The following ZFAND3 variants were observed in gnomAD, a reference collection of about 807,000 sequenced individuals.
The protein encoded by ZFAND3 is zinc finger AN1-type containing 3.
In ZFAND3, 10 loss-of-function variants were observed where a neutral mutation model predicts 29.6. The observed-to-expected ratio is 0.34, with a 90% CI of 0.21 to 0.57. ZFAND3 has a LOEUF of 0.57. ZFAND3 is among the 20% of genes least tolerant of loss of function. ZFAND3 has a pLI of 0.86. For missense variants in ZFAND3, 230 were observed against 304.5 expected, an observed-to-expected ratio of 0.76 and a Z score of 1.82; for synonymous variants, 128 against 112.6, an observed-to-expected ratio of 1.14 and a Z score of -0.87.
At chr6:38,081,793 C>T (rs1210731258) in intron 3 of ZFAND3, among the ~76,000 whole-genome samples, 1 of 151,800 alleles carries the variant, frequency 6.6e-6, no homozygotes, top group Non-Finnish European at 1.5e-5. Flanking sequence ...ATCTCTGGGC[C>T]CACCAAGATT....
At chr6:38,137,408 T>C (rs1215792283) in intron 5 of ZFAND3, among the ~76,000 whole-genome samples, 1 of 152,210 alleles carries the variant, frequency 6.6e-6, no homozygotes, top group East Asian at 1.9e-4. Flanking sequence ...TTGCTAGAAG[T>C]AATATTTTTC....
intron 3 of ZFAND3, among the ~76,000 whole-genome samples, chr6:38,077,671 T>C (rs1366009426): frequency 6.6e-6 from 1 of 152,222 alleles, no homozygotes; most frequent in African/African-American, 2.4e-5. Context: ...TGAGGGCTAG[T>C]GGAACCAGAA....
intron 2 of ZFAND3, among the ~76,000 whole-genome samples, chr6:37,942,307 T>A (rs1278178408): frequency 6.6e-6 from 1 of 151,992 alleles, no homozygotes; most frequent in Non-Finnish European, 1.5e-5. Context: ...AAAGTTTACC[T>A]CCATAAAATG....
At chr6:38,094,022 C>G (rs913517624) in intron 4 of ZFAND3, among the ~76,000 whole-genome samples, 2 of 152,072 alleles carry the variant, frequency 1.3e-5, no homozygotes, top group African/African-American at 4.8e-5. Flanking sequence ...TTATTTCTAT[C>G]TAAGAGTGTA....
At chr6:37,860,816 T>C (rs1047921743) in intron 1 of ZFAND3, among the ~76,000 whole-genome samples, 1 of 152,112 alleles carries the variant, frequency 6.6e-6, no homozygotes, top group Non-Finnish European at 1.5e-5. Flanking sequence ...ATTTATGGGA[T>C]GTGGCTTAGT....
At position 38,075,727 on chromosome 6, in the gene ZFAND3, A is replaced by G. The variant is rs116582808; in HGVS notation, c.296-6665A>G. Among the ~76,000 whole-genome samples the G allele has an allele frequency of 7.5e-3, 1,133 of 150,896 alleles. 12 individuals carry two copies. Among genetic ancestry groups the G allele is most frequent in the African/African-American group, 0.026 (1,078 of 41,048 alleles). On this transcript the variant is annotated intron_variant, in intron 3 of 5. Transcript: ENST00000287218. ...CTACAGAGAAATCTTTTGTGAAAGGAAGAGTCAGTTGATCTGGCAGAGTTG... is the reference window on the plus strand; with the variant it reads ...CTACAGAGAAATCTTTTGTGAAAGGGAGAGTCAGTTGATCTGGCAGAGTTG...
chr6:37,832,322 G>C (rs1045447694), intron 1 of ZFAND3, among the ~76,000 whole-genome samples: 1 of 152,156 alleles, frequency 6.6e-6, no homozygotes, highest in African/African-American at 2.4e-5. Context: ...ATGGACTGCA[G>C]GATGGAAGAT....
At chr6:38,074,747 C>A (rs185439477) in intron 3 of ZFAND3, among the ~76,000 whole-genome samples, 1 of 152,200 alleles carries the variant, frequency 6.6e-6, no homozygotes, top group African/African-American at 2.4e-5. Flanking sequence ...CCAGGACTTA[C>A]AGGAGGAAAA....
chr6:37,894,962 A>G (rs1391931823), intron 1 of ZFAND3, among the ~76,000 whole-genome samples: 2 of 152,058 alleles, frequency 1.3e-5, no homozygotes, highest in Non-Finnish European at 2.9e-5. Context: ...AAGCAGCTTT[A>G]TTATGTGATG....
chr6:38,129,317 T>G (rs1765698928), intron 5 of ZFAND3, among the ~76,000 whole-genome samples: 1 of 152,246 alleles, frequency 6.6e-6, no homozygotes, highest in South Asian at 2.1e-4. Flanking sequence ...GTGCAAAAGC[T>G]CTTTAGTTTA....
chr6:37,967,919 G>T (rs1379922082), intron 2 of ZFAND3, among the ~76,000 whole-genome samples: 1 of 152,072 alleles, frequency 6.6e-6, no homozygotes, highest in Non-Finnish European at 1.5e-5. Context: ...TTTACTTGAT[G>T]ATTTTATTTT....
At chr6:38,113,032 C>G (rs1041398023) in intron 4 of ZFAND3, among the ~76,000 whole-genome samples, 1 of 151,990 alleles carries the variant, frequency 6.6e-6, no homozygotes, top group Admixed American at 6.6e-5. Flanking sequence ...GCTTATTTAC[C>G]CTCGCTCTTG....
At chr6:37,847,374 G>A (rs1388379041) in intron 1 of ZFAND3, among the ~76,000 whole-genome samples, 1 of 152,072 alleles carries the variant, frequency 6.6e-6, no homozygotes, top group African/African-American at 2.4e-5. Flanking sequence ...AGGAGATCGA[G>A]ACCATCCTGG....
At chr6:38,037,551 T>A (rs960711385) in intron 2 of ZFAND3, among the ~76,000 whole-genome samples, 2 of 152,206 alleles carry the variant, frequency 1.3e-5, no homozygotes, top group Non-Finnish European at 2.9e-5. Context: ...AAGCATTTAA[T>A]TGATTGAAAA....
chr6:38,147,985 G>A (rs1766144698), intron 5 of ZFAND3, among the ~76,000 whole-genome samples: 1 of 151,988 alleles, frequency 6.6e-6, no homozygotes, highest in African/African-American at 2.4e-5. Flanking sequence ...GTCTATTTTT[G>A]TTTTTGTTGC....
At position 38,089,581 on chromosome 6, in the gene ZFAND3, T is replaced by A. The variant is rs529007675; in HGVS notation, c.361+7124T>A. On this transcript the variant is annotated intron_variant, in intron 4 of 5. Transcript: ENST00000287218. ...AGCCAGTTAAAGGGAAATGTTTCCT[T>A]GTTGTTAGGTTACTGAAAAGTTTAT... Among the ~76,000 whole-genome samples, 3 of 152,332 alleles carry A rather than the reference T, an allele frequency of 2.0e-5. No homozygotes were observed. The East Asian group carries it at 5.8e-4, about 29-fold the overall frequency.
At chr6:37,957,061 T>G (rs1453206605) in intron 2 of ZFAND3, among the ~76,000 whole-genome samples, 2 of 152,230 alleles carry the variant, frequency 1.3e-5, no homozygotes, top group African/African-American at 2.4e-5. Flanking sequence ...ATGGCTTTCC[T>G]GACTTCCTGG....
At chr6:37,989,914 C>T (rs1365571794) in intron 2 of ZFAND3, among the ~76,000 whole-genome samples, 1 of 152,172 alleles carries the variant, frequency 6.6e-6, no homozygotes, top group African/African-American at 2.4e-5. Flanking sequence ...GCACAGTGCT[C>T]ACCTGATCTG....
intron 4 of ZFAND3, among the ~76,000 whole-genome samples, chr6:38,114,271 C>CCCCG (rs1765374502): frequency 6.6e-6 from 1 of 152,230 alleles, no homozygotes; most frequent in Admixed American, 6.5e-5. Context: ...TGTAAAAGGA[C>CCCCG]CCCGCCCGCA....
Sources: allele counts gnomAD v4.1 joint callset (sites outside exome capture counted in the v4.1 genomes callset), GRCh38; gene constraint gnomAD v4.1.1; transcripts MANE v1.5; gene names NCBI Gene and HGNC (gene_info 2026-07-23, HGNC 2026-07-21).